The following BACE2 variants were observed in gnomAD, a reference collection of about 807,000 sequenced individuals.
The protein encoded by BACE2 is beta-secretase 2.
A neutral mutation model predicts 46.2 loss-of-function variants in BACE2; 17 were observed. That is an observed-to-expected ratio of 0.37 (90% confidence interval 0.25 to 0.55). The LOEUF (loss-of-function observed/expected upper bound fraction) is 0.55, where lower values mean the gene tolerates loss of function less well. Among genes scored for constraint, BACE2 ranks in the 20% least tolerant of loss-of-function variants. The pLI, the probability that BACE2 is intolerant of heterozygous loss-of-function variation, is 0.82. For missense variants in BACE2, 595 were observed against 698.1 expected (o/e 0.85, Z 1.66); for synonymous variants, 277 against 295.9 (o/e 0.94, Z 0.66).
intron 8 of BACE2, among the ~76,000 whole-genome samples, chr21:41,259,579 T>C (rs1206915624): frequency 6.6e-6 from 1 of 152,076 alleles, no homozygotes; most frequent in Non-Finnish European, 1.5e-5. Flanking sequence ...TCTTTAAAAA[T>C]TTGTCTTAGA....
At chr21:41,226,228 A>T (rs1439054731) in intron 1 of BACE2, 38 bp from the exon 2 acceptor site, 6 of 1,512,076 alleles carry the variant, frequency 4.0e-6, no homozygotes, top group East Asian at 2.3e-5. Context: ...AAATAACTTG[A>T]TGCTTTCTAT....
intron 7 of BACE2, among the ~76,000 whole-genome samples, chr21:41,251,348 G>A (rs982558509): frequency 3.3e-5 from 5 of 152,202 alleles, no homozygotes. Flanking sequence ...CCCAAGGCTA[G>A]CCCAGATTCC....
At chr21:41,268,346 C>T (rs373074925) in intron 8 of BACE2, among the ~76,000 whole-genome samples, 5 of 152,322 alleles carry the variant, frequency 3.3e-5, no homozygotes, top group African/African-American at 1.2e-4. Context: ...AATGGCCTCT[C>T]ATAAATCAAT....
chr21:41,214,324 C>T (rs959666942), intron 1 of BACE2, among the ~76,000 whole-genome samples: 45 of 152,186 alleles, frequency 3.0e-4, no homozygotes, highest in African/African-American at 1.0e-3. Context: ...GGGCTTGTGA[C>T]ACAGGAGGAA....
intron 1 of BACE2, among the ~76,000 whole-genome samples, chr21:41,225,972 C>T (rs1986806052): frequency 6.6e-6 from 1 of 152,198 alleles, no homozygotes; most frequent in Admixed American, 6.5e-5. Flanking sequence ...TGGTTTCAAG[C>T]ACCAACGGCC....
intron 1 of BACE2, among the ~76,000 whole-genome samples, chr21:41,203,167 T>G (rs565144811): frequency 4.6e-5 from 7 of 152,276 alleles, no homozygotes; most frequent in African/African-American, 1.7e-4. Context: ...GTTGTAGGCA[T>G]GGTGATAGAG....
At position 41,193,123 on chromosome 21, in the gene BACE2, A is replaced by G. The variant is rs894605466; in HGVS notation, c.312+24548A>G. 1.3e-5 allele frequency among the ~76,000 whole-genome samples: 2 copies of G among 152,210 alleles called. No individual in the cohort carries two copies. The highest frequency in any genetic ancestry group is 4.8e-5 in the African/African-American group (2 of 41,462). ...AATGGACCAGTGTGATATCTCGTGGAAACGAAAAGCGATCAAGGTCTCTCC... is the reference window on the plus strand; with the variant it reads ...AATGGACCAGTGTGATATCTCGTGGGAACGAAAAGCGATCAAGGTCTCTCC... On this transcript the variant is annotated intron_variant, in intron 1 of 8. Coordinates refer to ENST00000330333, the MANE Select transcript of BACE2 (RefSeq NM_012105.5). The surrounding 1 kb of genome is among the most constrained non-coding windows in gnomAD (Gnocchi z 4.2).
chr21:41,268,962 C>CT (rs112593590), intron 8 of BACE2, among the ~76,000 whole-genome samples: 2,624 of 151,068 alleles, frequency 0.017, 86 homozygotes, highest in African/African-American at 0.061. Flanking sequence ...CTTCTCTTTT[C>CT]TTTTTTTTTG....
chr21:41,185,039 A>G (rs1380763720), intron 1 of BACE2: 7 of 167,064 alleles, frequency 4.2e-5, no homozygotes, highest in Admixed American at 3.9e-4. Flanking sequence ...ATTTGCTCCA[A>G]TAGCTTAAAA....
chr21:41,259,600 C>G (rs951376890), intron 8 of BACE2, among the ~76,000 whole-genome samples: 2 of 151,510 alleles, frequency 1.3e-5, no homozygotes, highest in Non-Finnish European at 2.9e-5. Context: ...AATAAAAAAC[C>G]AAGTATAGCT....
chr21:41,192,806 C>T (rs534435061), intron 1 of BACE2, among the ~76,000 whole-genome samples: 14 of 152,370 alleles, frequency 9.2e-5, no homozygotes, highest in African/African-American at 2.6e-4. Flanking sequence ...GATAAATGGG[C>T]TGGAGTAACA....
intron 1 of BACE2, among the ~76,000 whole-genome samples, chr21:41,216,555 G>A (rs8131545): frequency 0.044 from 6,646 of 152,320 alleles, 454 homozygotes; most frequent in African/African-American, 0.15. Flanking sequence ...TGCCTCTGCG[G>A]AGGAGTGACA....
At chr21:41,201,509 A>G (rs1279814247) in intron 1 of BACE2, among the ~76,000 whole-genome samples, 1 of 152,224 alleles carries the variant, frequency 6.6e-6, no homozygotes, top group Admixed American at 6.5e-5. Flanking sequence ...CTTAAAACCT[A>G]TGAGGCTTTC....
chr21:41,252,340 A>T (rs1004140991), intron 7 of BACE2: 5 of 152,314 alleles, frequency 3.3e-5, no homozygotes, highest in African/African-American at 1.2e-4. Flanking sequence ...CCCCTGCCTG[A>T]AATGCCCTCC....
intron 1 of BACE2, among the ~76,000 whole-genome samples, chr21:41,219,969 C>T (rs1453321854): frequency 6.6e-6 from 1 of 152,186 alleles, no homozygotes; most frequent in Admixed American, 6.5e-5. Flanking sequence ...AGGGCCCAGT[C>T]CCCCAAGACT....
chr21:41,179,041 G>A, intron 1 of BACE2: 1 of 1,099,576 alleles, frequency 9.1e-7, no homozygotes, highest in Non-Finnish European at 1.2e-6. Flanking sequence ...CGTGTCCCAG[G>A]CTGCAGCCAG....
At chr21:41,233,579 C>T (rs1270864117) in intron 2 of BACE2, among the ~76,000 whole-genome samples, 1 of 152,216 alleles carries the variant, frequency 6.6e-6, no homozygotes, top group Non-Finnish European at 1.5e-5. Context: ...ACTACAAATT[C>T]TACAGAGTTT....
At chr21:41,252,127 C>T (rs1012243360) in intron 7 of BACE2, among the ~76,000 whole-genome samples, 20 of 152,266 alleles carry the variant, frequency 1.3e-4, no homozygotes, top group African/African-American at 4.1e-4. Context: ...CACTTTCACC[C>T]GAGCCTCCCC....
chr21:41,251,657 C>T (rs962871755), intron 7 of BACE2, among the ~76,000 whole-genome samples: 6 of 151,962 alleles, frequency 3.9e-5, no homozygotes, highest in African/African-American at 9.7e-5. Context: ...AAAAATTAGC[C>T]GGGCGTGATG....
Sources: allele counts gnomAD v4.1 joint callset (sites outside exome capture counted in the v4.1 genomes callset), GRCh38; gene constraint gnomAD v4.1.1; non-coding constraint Gnocchi (gnomAD v3.1); transcripts MANE v1.5; gene names NCBI Gene and HGNC (gene_info 2026-07-23, HGNC 2026-07-21).